SMPD3: variants seen among roughly 807,000 people sequenced by gnomAD.
The protein encoded by SMPD3 is nSMase-2.
SMPD3 carries 21 observed loss-of-function variants against 55.7 expected under a neutral mutation model. That is an observed-to-expected ratio of 0.38 (90% CI 0.27 to 0.54). The LOEUF (loss-of-function observed/expected upper bound fraction) is 0.54. Ranked by LOEUF, SMPD3 falls within the 20% of genes least tolerant of loss-of-function variation. The pLI is 0.80. For synonymous variants in SMPD3, 457 were observed against 404.3 expected (o/e 1.13, Z -1.56); for missense variants, 842 against 899.6 (o/e 0.94, Z 0.82).
chr16:68,367,655 G>C (rs975081723), intron 3 of SMPD3: 1 of 152,380 alleles, frequency 6.6e-6, no homozygotes, highest in Admixed American at 6.5e-5. Context: ...GAGGAGTGAC[G>C]AGGTCCTGCT....
At chr16:68,367,441 CT>C (rs2089517290) in intron 3 of SMPD3, 1 of 9,254 alleles carries the variant, frequency 1.1e-4, no homozygotes, top group African/African-American at 4.9e-3. Context: ...TTGTCGTGCG[CT>C]GCTGTGCGCT....
intron 2 of SMPD3, among the ~76,000 whole-genome samples, chr16:68,372,700 G>A (rs1408964713): frequency 3.3e-5 from 5 of 152,368 alleles, no homozygotes; most frequent in East Asian, 1.9e-4. Context: ...ATTTGTGGGT[G>A]CAAAGGGAGC....
intron 1 of SMPD3, among the ~76,000 whole-genome samples, chr16:68,432,391 C>G (rs2090487599): frequency 3.3e-5 from 5 of 152,160 alleles, no homozygotes; most frequent in African/African-American, 9.7e-5. Flanking sequence ...AGAAAGCTCT[C>G]TTAAAGTAAT....
At chr16:68,397,745 C>T (rs774039453) in intron 1 of SMPD3, among the ~76,000 whole-genome samples, 2 of 152,210 alleles carry the variant, frequency 1.3e-5, no homozygotes, top group Non-Finnish European at 2.9e-5. Flanking sequence ...TGGTCAGCTC[C>T]TCCTCATCTT....
At chr16:68,369,141 C>G (rs572910323) in intron 3 of SMPD3, 3 of 144,662 alleles carry the variant, frequency 2.1e-5, no homozygotes, top group Non-Finnish European at 4.5e-5. Context: ...TGCTTGAACC[C>G]GGGAGGCAGA....
chr16:68,441,675 G>T (rs779956209), intron 1 of SMPD3, among the ~76,000 whole-genome samples: 1 of 151,626 alleles, frequency 6.6e-6, no homozygotes, highest in African/African-American at 2.4e-5. Context: ...AGTGCTTATG[G>T]CCCCATATTA....
At chr16:68,419,981 GCT>G (rs745462705) in intron 1 of SMPD3, among the ~76,000 whole-genome samples, 1 of 88,150 alleles carries the variant, frequency 1.1e-5, no homozygotes, top group Non-Finnish European at 2.3e-5. Context: ...AATAGCTATT[GCT>G]TTTTTTTTTT....
chr16:68,409,200 CT>C (rs1192777537), intron 1 of SMPD3, among the ~76,000 whole-genome samples: 1 of 152,246 alleles, frequency 6.6e-6, no homozygotes, highest in Non-Finnish European at 1.5e-5. Context: ...CTCTAAAGCT[CT>C]TTTGTGTTTC....
chr16:68,363,641 C>T (rs1182254145), intron 6 of SMPD3, 82 bp from the exon 7 acceptor site: 16 of 1,467,514 alleles, frequency 1.1e-5, no homozygotes, highest in South Asian at 3.6e-5. Context: ...TGGGTGGACA[C>T]GGGCTTCTGC....
At chr16:68,426,688 T>C (rs890318418) in intron 1 of SMPD3, among the ~76,000 whole-genome samples, 3 of 152,230 alleles carry the variant, frequency 2.0e-5, no homozygotes, top group Non-Finnish European at 4.4e-5. Flanking sequence ...TAGATGTACA[T>C]TCGTCATTGC....
Position 68,428,446 on chromosome 16 carries a change from G to T in SMPD3, c.-269+19907C>A, listed in dbSNP as rs2090454118. On this transcript the variant is annotated intron_variant, in intron 1 of 8. Transcript: ENST00000219334. Reference sequence around the variant, plus strand: ...CTGCCCCATTCTGCAGATTTGCAGGGAGCAGGAGCAGCAGCAGAAGGGCCT... The same window carrying T: ...CTGCCCCATTCTGCAGATTTGCAGGTAGCAGGAGCAGCAGCAGAAGGGCCT... Among the ~76,000 whole-genome samples the T allele has an allele frequency of 2.0e-5, 3 of 152,198 alleles. No homozygotes were observed. The South Asian group carries it at 6.2e-4, about 32-fold the overall frequency.
intron 2 of SMPD3, among the ~76,000 whole-genome samples, chr16:68,379,248 C>T (rs2089893660): frequency 6.6e-6 from 1 of 152,230 alleles, no homozygotes; most frequent in Non-Finnish European, 1.5e-5. Context: ...CCTTGGGAGA[C>T]CACAGTGGAG....
intron 1 of SMPD3, among the ~76,000 whole-genome samples, chr16:68,414,520 G>A (rs1174147897): frequency 2.0e-5 from 3 of 152,236 alleles, no homozygotes; most frequent in Non-Finnish European, 4.4e-5. Flanking sequence ...GCTAGGTCTG[G>A]CAGTCAGATT....
intron 3 of SMPD3, among the ~76,000 whole-genome samples, chr16:68,365,733 C>A (rs1442689377): frequency 6.6e-6 from 1 of 152,208 alleles, no homozygotes; most frequent in Admixed American, 6.5e-5. Context: ...CATCCTGAGC[C>A]CACTGTGGCA....
intron 1 of SMPD3, among the ~76,000 whole-genome samples, chr16:68,436,981 C>T (rs188074397): frequency 3.1e-4 from 47 of 152,316 alleles, no homozygotes; most frequent in Admixed American, 2.2e-3. Context: ...TATAAGATCC[C>T]GACTTGCCTC....
chr16:68,371,317 A>C lies in SMPD3; in HGVS notation c.865T>G (p.Ser289Ala). 1 of 1,598,704 alleles carries C rather than the reference A, an allele frequency of 6.3e-7. No homozygotes were observed. The highest frequency in any genetic ancestry group is 8.5e-7 in the Non-Finnish European group (1 of 1,178,782). ...TPNHNQQDGD[S>A]GSLGSPSASR... is the part of the protein sequence containing the mutation. Reference sequence around the variant, plus strand: ...GCCGAGGGGCTGCCCAGGCTCCCTGAATCCCCGTCCTGCTGATTATGGTTG... The same window carrying C: ...GCCGAGGGGCTGCCCAGGCTCCCTGCATCCCCGTCCTGCTGATTATGGTTG... Residue 289 changes from serine to alanine, a missense_variant, in exon 3 of 9, where the codon TCA (serine) becomes GCA (alanine). Coordinates refer to ENST00000219334, the MANE Select transcript of SMPD3 (RefSeq NM_018667.4).
chr16:68,392,098 GCCAGGCCGGC>G (rs1381233583), intron 1 of SMPD3, among the ~76,000 whole-genome samples: 1 of 152,122 alleles, frequency 6.6e-6, no homozygotes, highest in East Asian at 1.9e-4. Flanking sequence ...CACCACGTGG[GCCAGGCCGGC>G]CTCGAAATTC....
At chr16:68,401,811 C>T (rs533988186) in intron 1 of SMPD3, among the ~76,000 whole-genome samples, 14 of 152,176 alleles carry the variant, frequency 9.2e-5, no homozygotes, top group Non-Finnish European at 1.6e-4. Flanking sequence ...TCTTTAGAAT[C>T]CCAGCAAGGC....
At chr16:68,393,314 G>A (rs28451413) in intron 1 of SMPD3, among the ~76,000 whole-genome samples, 26,554 of 152,124 alleles carry the variant, frequency 0.17, 2,471 homozygotes, top group African/African-American at 0.19. Context: ...CTAAGCCAGG[G>A]AATCGCTTGA....
Sources: gnomAD v4.1 joint callset for allele counts (sites outside exome capture counted in the v4.1 genomes callset) on GRCh38, gnomAD v4.1.1 for gene constraint, MANE v1.5 for transcripts, NCBI Gene and HGNC (gene_info 2026-07-23, HGNC 2026-07-21) for gene names.